The following EDA variants were observed in gnomAD, a reference collection of about 807,000 sequenced individuals.
EDA encodes the protein ectodysplasin-A.
A neutral mutation model predicts 23.6 loss-of-function variants in EDA; 2 were observed. That is an observed-to-expected ratio of 0.08 (90% confidence interval 0.03 to 0.27). The LOEUF (loss-of-function observed/expected upper bound fraction) is 0.27, where lower values mean the gene tolerates loss of function less well. Ranked by LOEUF, EDA falls within the 10% of genes least tolerant of loss-of-function variation. The pLI, the probability that EDA is intolerant of heterozygous loss-of-function variation, is 1.00. For missense variants in EDA, 229 were observed against 324.2 expected, an observed-to-expected ratio of 0.71 and a Z score of 2.26; for synonymous variants, 131 against 132.0, an observed-to-expected ratio of 0.99 and a Z score of 0.05.
intron 1 of EDA, among the ~76,000 whole-genome samples, chrX:69,830,251 T>G (rs906998139): frequency 8.9e-6 from 1 of 112,130 alleles, no homozygotes; most frequent in African/African-American, 3.2e-5. Context: ...TTAATTGAAT[T>G]TTTTAAAGCC....
At chrX:69,691,126 T>C (rs1934700966) in intron 1 of EDA, among the ~76,000 whole-genome samples, 1 of 111,925 alleles carries the variant, frequency 8.9e-6, no homozygotes, top group East Asian at 2.8e-4. Context: ...AGGCAGCTAG[T>C]AACCACTATA....
chrX:69,755,308 G>C (rs191268066), intron 1 of EDA, among the ~76,000 whole-genome samples: 128 of 111,850 alleles, frequency 1.1e-3, no homozygotes, highest in Admixed American at 3.3e-3. Context: ...CAGGTCTGTT[G>C]GAGTTTGCTG....
At chrX:70,021,766 C>T (rs984716771) in intron 2 of EDA, among the ~76,000 whole-genome samples, 1 of 111,580 alleles carries the variant, frequency 9.0e-6, no homozygotes, top group African/African-American at 3.3e-5. Flanking sequence ...TACTGTTGCA[C>T]ATGAAATTAC....
intron 1 of EDA, among the ~76,000 whole-genome samples, chrX:69,701,133 C>T (rs746466358): frequency 8.9e-6 from 1 of 111,849 alleles, no homozygotes; most frequent in East Asian, 2.8e-4. Flanking sequence ...AGCATACTGG[C>T]TTACCTGCCA....
In EDA at chrX:69,853,175, C is replaced by T. The variant is rs184705842; in HGVS notation, c.397-103852C>T. 1.9e-3 allele frequency among the ~76,000 whole-genome samples: 217 copies of T among 111,376 alleles called. 2 individuals are homozygous for T. Among genetic ancestry groups the T allele is most frequent in the African/African-American group, 5.8e-3 (179 of 30,727 alleles). The stretch of plus-strand genomic sequence containing the variant: ...TAATATAGTTAAATAAAAGAAGGCC[C>T]TGAGGTATGATGAAGGTATAGGAGA... On this transcript the variant is annotated intron_variant, in intron 1 of 7. Coordinates refer to ENST00000374552, the MANE Select transcript of EDA (RefSeq NM_001399.5).
chrX:69,714,905 T>A (rs942612131), intron 1 of EDA, among the ~76,000 whole-genome samples: 1 of 110,484 alleles, frequency 9.1e-6, no homozygotes, highest in African/African-American at 3.3e-5. Context: ...TAAAATAAGC[T>A]TGCCTATGTC....
At chrX:69,794,654 A>G (rs1285997827) in intron 1 of EDA, among the ~76,000 whole-genome samples, 1 of 112,509 alleles carries the variant, frequency 8.9e-6, no homozygotes, top group Non-Finnish European at 1.9e-5. Context: ...TGAAGAGGCT[A>G]TTGCAGTAGA....
intron 3 of EDA, among the ~76,000 whole-genome samples, chrX:70,026,031 A>G (rs1285594488): frequency 4.5e-5 from 5 of 112,319 alleles, no homozygotes; most frequent in Admixed American, 9.4e-5. Context: ...GACCTGATAA[A>G]TCAGGACAAG....
intron 1 of EDA, among the ~76,000 whole-genome samples, chrX:69,893,292 G>A (rs1189335220): frequency 9.0e-6 from 1 of 111,508 alleles, no homozygotes; most frequent in African/African-American, 3.3e-5. Context: ...CTAAATCCAG[G>A]ATGATCTAAC....
At chrX:69,755,612 T>C (rs993354352) in intron 1 of EDA, among the ~76,000 whole-genome samples, 1 of 112,400 alleles carries the variant, frequency 8.9e-6, no homozygotes, top group Non-Finnish European at 1.9e-5. Flanking sequence ...GACATTTAAG[T>C]CTGCAGAAGT....
intron 1 of EDA, among the ~76,000 whole-genome samples, chrX:69,770,494 G>A (rs1453340194): frequency 1.8e-5 from 2 of 112,094 alleles, no homozygotes; most frequent in Non-Finnish European, 3.8e-5. Context: ...TAATGTGGCA[G>A]AACATCTTTT....
At chrX:69,800,437 T>C (rs1002331632) in intron 1 of EDA, among the ~76,000 whole-genome samples, 1 of 111,578 alleles carries the variant, frequency 9.0e-6, no homozygotes, top group Non-Finnish European at 1.9e-5. Context: ...ATGGATACCC[T>C]AAATACTCTG....
chrX:69,963,932 A>C (rs2019139999), intron 2 of EDA, among the ~76,000 whole-genome samples: 1 of 111,636 alleles, frequency 9.0e-6, no homozygotes, highest in African/African-American at 3.3e-5. Context: ...TAATGTGAAC[A>C]TGCCCTCCCC....
intron 1 of EDA, among the ~76,000 whole-genome samples, chrX:69,826,061 A>G (rs925231409): frequency 9.2e-6 from 1 of 109,148 alleles, no homozygotes; most frequent in Non-Finnish European, 1.9e-5. Context: ...GTGGTCTGAG[A>G]GATAGTTTGT....
chrX:69,621,088 T>C (rs1932162916), intron 1 of EDA: 1 of 215,024 alleles, frequency 4.7e-6, no homozygotes, highest in Admixed American at 7.4e-5. Flanking sequence ...TCCTGTAATA[T>C]ATTGTTTGAT....
chrX:70,001,479 C>T (rs1427379978), intron 2 of EDA, among the ~76,000 whole-genome samples: 1 of 111,930 alleles, frequency 8.9e-6, no homozygotes, highest in Non-Finnish European at 1.9e-5. Context: ...CTTCTGGGAA[C>T]AGCACATTGA....
chrX:69,687,936 G>A (rs181591098), intron 1 of EDA, among the ~76,000 whole-genome samples: 2 of 111,707 alleles, frequency 1.8e-5, no homozygotes, highest in East Asian at 5.6e-4. Context: ...GGGAAGTGAA[G>A]GAAAGCATTG....
chrX:69,658,212 TTGTGTGTGTGTGTGTGTGTG>T (rs3138864), intron 1 of EDA, among the ~76,000 whole-genome samples: 1 of 90,892 alleles, frequency 1.1e-5, no homozygotes, highest in Non-Finnish European at 2.2e-5. Flanking sequence ...TCCTAGGTAT[TTGTGTGTGTGTGTGTGTGTG>T]TGTGTGTGTG....
chrX:70,006,323 C>G (rs1015771340), intron 2 of EDA, among the ~76,000 whole-genome samples: 1 of 112,187 alleles, frequency 8.9e-6, no homozygotes, highest in South Asian at 3.7e-4. Context: ...GTGGCTGTAA[C>G]ATTTTGCATT....
Sources: allele counts gnomAD v4.1 joint callset (sites outside exome capture counted in the v4.1 genomes callset), GRCh38; gene constraint gnomAD v4.1.1; transcripts MANE v1.5; gene names NCBI Gene and HGNC (gene_info 2026-07-23, HGNC 2026-07-21).